ABCA13: variants seen among roughly 807,000 people sequenced by gnomAD.
The protein encoded by ABCA13 is ATP binding cassette subfamily A member 13.
Under a neutral mutation model 478.7 loss-of-function variants are expected in ABCA13, and 476 were observed. That is an observed-to-expected ratio of 0.99 (90% CI 0.92 to 1.07). The LOEUF (loss-of-function observed/expected upper bound fraction) is 1.07, where lower values mean the gene tolerates loss of function less well. Among genes scored for constraint, ABCA13 ranks in the 50% least tolerant of loss-of-function variants. ABCA13 has a pLI of 0.00. For missense variants in ABCA13, 6,060 were observed against 5,910.6 expected (o/e 1.03, Z -0.83); for synonymous variants, 2,252 against 2,158.9 (o/e 1.04, Z -1.20).
At chr7:48,405,247 G>T (rs1818109735) in intron 39 of ABCA13, among the ~76,000 whole-genome samples, 2 of 152,248 alleles carry the variant, frequency 1.3e-5, no homozygotes, top group South Asian at 4.1e-4. Context: ...GGCCTAGACA[G>T]CCTGGGAGCA....
chr7:48,545,978 T>G (rs147959168), intron 55 of ABCA13, among the ~76,000 whole-genome samples: 1 of 151,844 alleles, frequency 6.6e-6, no homozygotes, highest in Non-Finnish European at 1.5e-5. Flanking sequence ...GATTTTCTAG[T>G]GTTAAGACTG....
intron 35 of ABCA13, among the ~76,000 whole-genome samples, chr7:48,378,781 C>T (rs138276577): frequency 3.3e-4 from 51 of 152,342 alleles, no homozygotes; most frequent in African/African-American, 1.2e-3. Context: ...CTTAAGTTCA[C>T]ACGGATGTAC....
intron 59 of ABCA13, among the ~76,000 whole-genome samples, chr7:48,637,532 A>G (rs1794774229): frequency 6.6e-6 from 1 of 151,892 alleles, no homozygotes; most frequent in Admixed American, 6.6e-5. Context: ...GTTTATCTAG[A>G]CTCTAGGGTA....
chr7:48,197,452 A>G (rs1275561635), intron 2 of ABCA13, among the ~76,000 whole-genome samples: 1 of 152,160 alleles, frequency 6.6e-6, no homozygotes, highest in Non-Finnish European at 1.5e-5. Flanking sequence ...AGGGCTGACA[A>G]GTTTTCCAGG....
chr7:48,478,237 TATA>T (rs1291918018), intron 45 of ABCA13, among the ~76,000 whole-genome samples: 1 of 147,988 alleles, frequency 6.8e-6, no homozygotes, highest in Non-Finnish European at 1.5e-5. Flanking sequence ...TATATACATA[TATA>T]ATATTTCATT....
intron 59 of ABCA13, among the ~76,000 whole-genome samples, chr7:48,639,983 A>G (rs976831370): frequency 3.3e-5 from 5 of 152,244 alleles, no homozygotes; most frequent in African/African-American, 1.2e-4. Context: ...TATAAAGAAT[A>G]AAACCTAATG....
At chr7:48,172,457 T>C (rs1362622638) in intron 1 of ABCA13, among the ~76,000 whole-genome samples, 1 of 152,224 alleles carries the variant, frequency 6.6e-6, no homozygotes, top group African/African-American at 2.4e-5. Context: ...TTCTTTTTTA[T>C]GTGATCTTTA....
At chr7:48,594,679 T>C (rs1790103016) in intron 57 of ABCA13, 31 bp from the exon 58 acceptor site, 1 of 1,591,032 alleles carries the variant, frequency 6.3e-7, no homozygotes, top group African/African-American at 1.3e-5. Flanking sequence ...GTTTTTCAAA[T>C]GCTGATTACT....
intron 1 of ABCA13, among the ~76,000 whole-genome samples, chr7:48,175,079 C>T (rs938562228): frequency 2.0e-5 from 3 of 152,118 alleles, no homozygotes; most frequent in Non-Finnish European, 4.4e-5. Context: ...CACGGGTGAC[C>T]CCATGGATAG....
At chr7:48,411,433 G>A (rs1464571346) in intron 40 of ABCA13, among the ~76,000 whole-genome samples, 1 of 151,610 alleles carries the variant, frequency 6.6e-6, no homozygotes, top group African/African-American at 2.4e-5. Context: ...TCAGCCTCCC[G>A]AGTAGCTGGG....
intron 27 of ABCA13, among the ~76,000 whole-genome samples, chr7:48,330,495 C>T (rs1264652433): frequency 6.7e-6 from 1 of 150,362 alleles, no homozygotes; most frequent in African/African-American, 2.4e-5. Context: ...GTCCATCCAT[C>T]CATCCATCCA....
At chr7:48,195,085 T>C (rs1437424356) in intron 2 of ABCA13, among the ~76,000 whole-genome samples, 1 of 152,220 alleles carries the variant, frequency 6.6e-6, no homozygotes, top group Non-Finnish European at 1.5e-5. Flanking sequence ...TGTGCAACTT[T>C]GTCAGAACAA....
chr7:48,274,970 C>A lies in ABCA13; in HGVS notation c.5304C>A (p.Gly1768=), dbSNP rs759089373. The A allele has an allele frequency of 1.1e-5, 18 of 1,613,708 alleles. No homozygotes were observed. Among genetic ancestry groups the A allele is most frequent in the Non-Finnish European group, 1.5e-5 (18 of 1,179,800 alleles). Residue 1768 remains glycine (G), a synonymous_variant, in exon 17 of 62, where the codon GGC becomes GGA. Coordinates refer to ENST00000435803, the MANE Select transcript of ABCA13 (RefSeq NM_152701.5). ...QGVPGKNITE[G]LKDVYSFTLL... is the part of the protein sequence containing the mutation. ...TACCTGGTAAAAACATCACTGAAGG[C>A]CTCAAGGATGTCTACAGCTTCACAC...
intron 51 of ABCA13, among the ~76,000 whole-genome samples, chr7:48,516,215 A>C (rs1832094591): frequency 6.6e-6 from 1 of 152,214 alleles, no homozygotes; most frequent in Non-Finnish European, 1.5e-5. Context: ...CCCACAGTCA[A>C]CTGTGGTCTC....
chr7:48,504,866 G>C (rs1831063719), intron 48 of ABCA13, among the ~76,000 whole-genome samples: 1 of 152,166 alleles, frequency 6.6e-6, no homozygotes, highest in Non-Finnish European at 1.5e-5. Flanking sequence ...CAACACTTTA[G>C]CTAGGAAGGA....
chr7:48,321,646 T>A (rs1345258204), intron 27 of ABCA13, among the ~76,000 whole-genome samples: 5 of 152,162 alleles, frequency 3.3e-5, no homozygotes, highest in Non-Finnish European at 7.3e-5. Context: ...AGCCAGTGTG[T>A]CAAGTGGAGG....
rs1258812880 is a variant in ABCA13 at position 48,314,376 on chromosome 7, G to A, written c.9826G>A (p.Asp3276Asn). ...CAGAGTTAAGGAACTCTTGGAAGAT[G>A]ACAAAGAAAAATTCAACATTCCTGA... ...LPRVKELLED[D>N]KEKFNIPEDS... The change falls in exon 26 of 62, where the codon GAC (aspartate) becomes AAC (asparagine). Residue 3276 changes from aspartate to asparagine, a missense_variant. This residue lies in a region of ABCA13 where 4,423 missense variants were observed against 4,309.1 expected (regional missense o/e 1.03). Coordinates refer to ENST00000435803, the MANE Select transcript of ABCA13 (RefSeq NM_152701.5). The A allele has an allele frequency of 1.2e-6, 2 of 1,602,516 alleles. No individual in the cohort carries two copies. Among genetic ancestry groups the A allele is most frequent in the Non-Finnish European group, 1.7e-6 (2 of 1,173,896 alleles).
chr7:48,407,485 A>C (rs78169247), intron 39 of ABCA13, among the ~76,000 whole-genome samples: 1 of 149,620 alleles, frequency 6.7e-6, no homozygotes, highest in East Asian at 2.0e-4. Flanking sequence ...AAAAAAAAAA[A>C]TTTTCAGGGA....
At chr7:48,636,309 G>A (rs189304417) in intron 59 of ABCA13, among the ~76,000 whole-genome samples, 1 of 152,188 alleles carries the variant, frequency 6.6e-6, no homozygotes, top group Non-Finnish European at 1.5e-5. Flanking sequence ...CCATAACGTG[G>A]AGAAGCAGAT....
Sources: allele counts gnomAD v4.1 joint callset (sites outside exome capture counted in the v4.1 genomes callset), GRCh38; gene constraint gnomAD v4.1.1; regional missense constraint gnomAD v4.1.1; transcripts MANE v1.5; gene names NCBI Gene and HGNC (gene_info 2026-07-23, HGNC 2026-07-21).